Variants in DNAJB1 observed in about 807,000 individuals in gnomAD.
DNAJB1 encodes the protein dnaJ homolog subfamily B member 1.
DNAJB1 carries 14 observed loss-of-function variants against 24.0 expected under a neutral mutation model. The ratio of observed to expected loss-of-function variants is 0.58; its 90% confidence interval spans 0.39 to 0.91. The LOEUF is 0.91. Among genes scored for constraint, DNAJB1 ranks in the 40% least tolerant of loss-of-function variants. DNAJB1 has a pLI of 0.00. For missense variants in DNAJB1, 517 were observed against 458.1 expected, an observed-to-expected ratio of 1.13 and a Z score of -1.17; for synonymous variants, 262 against 174.4, an observed-to-expected ratio of 1.50 and a Z score of -3.96.
intron 1 of DNAJB1, among the ~76,000 whole-genome samples, chr19:14,547,323 C>A (rs1045149359): frequency 6.6e-6 from 1 of 151,622 alleles, no homozygotes; most frequent in Non-Finnish European, 1.5e-5. Context: ...TAGTTACAGG[C>A]GTGAGCCACC....
chr19:14,534,988 G>A (rs937665267), intron 1 of DNAJB1, among the ~76,000 whole-genome samples: 1 of 152,170 alleles, frequency 6.6e-6, no homozygotes, highest in Non-Finnish European at 1.5e-5. Context: ...GGAGGGCGAG[G>A]TGCTGCGGGT....
intron 1 of DNAJB1, among the ~76,000 whole-genome samples, chr19:14,544,474 T>A (rs944924478): frequency 1.3e-5 from 2 of 152,012 alleles, no homozygotes; most frequent in Non-Finnish European, 2.9e-5. Context: ...AGGACGAGGA[T>A]GCTTGCATGA....
chr19:14,527,551 G>A (rs1025818158), intron 2 of DNAJB1: 1 of 152,200 alleles, frequency 6.6e-6, no homozygotes, highest in Non-Finnish European at 1.5e-5. Flanking sequence ...GATAGCACCA[G>A]TGAAAAAGAT....
chr19:14,515,963 G>C lies in DNAJB1; in HGVS notation c.1000C>G (p.Leu334Val). Reference protein sequence around the residue: ...ERIPQTSRTVLEQVLPI With the variant: ...ERIPQTSRTVVEQVLPI The stretch of plus-strand genomic sequence containing the variant: ...AGCTATATTGGAAGAACCTGCTCAA[G>C]TACGGTTCTTGATGTCTGGGGAATC... Residue 334 changes from leucine to valine, a missense_variant, in exon 3 of 3, where the codon CTT becomes GTT. Physicochemically the swap from Leu to Val is conservative, Grantham distance 32. Coordinates refer to ENST00000254322, the MANE Select transcript of DNAJB1 (RefSeq NM_006145.3). The C allele has an allele frequency of 1.2e-6, 2 of 1,610,018 alleles. No homozygotes were observed. Among genetic ancestry groups the C allele is most frequent in the Non-Finnish European group, 1.7e-6 (2 of 1,179,046 alleles).
intron 1 of DNAJB1, among the ~76,000 whole-genome samples, chr19:14,558,543 T>G (rs868090875): frequency 2.0e-5 from 3 of 152,144 alleles, no homozygotes; most frequent in Admixed American, 6.5e-5. Flanking sequence ...CCTCTCAGGC[T>G]AGTGGAACTG....
upstream of DNAJB1, chr19:14,530,689 G>A (rs1452323679): frequency 1.3e-5 from 2 of 152,114 alleles, no homozygotes; most frequent in East Asian, 1.9e-4. Context: ...TTAGTTCCTA[G>A]CCACTATGCC....
chr19:14,548,465 C>T (rs367991277), intron 1 of DNAJB1, among the ~76,000 whole-genome samples: 6 of 152,224 alleles, frequency 3.9e-5, no homozygotes, highest in Non-Finnish European at 8.8e-5. Flanking sequence ...AACCACTTCT[C>T]ATCAGCCTCA....
chr19:14,538,143 G>A (rs2072970531), intron 1 of DNAJB1, among the ~76,000 whole-genome samples: 1 of 152,190 alleles, frequency 6.6e-6, no homozygotes, highest in South Asian at 2.1e-4. Context: ...AGAAACTGAG[G>A]CACAGAAAGT....
chr19:14,525,143 G>T (rs527259917), intron 2 of DNAJB1, among the ~76,000 whole-genome samples: 1 of 151,914 alleles, frequency 6.6e-6, no homozygotes, highest in South Asian at 2.1e-4. Flanking sequence ...TGATGCAGGA[G>T]AATCGCTTGA....
In DNAJB1 at chr19:14,515,964, T is replaced by G; in HGVS notation, c.999A>C (p.Val333=). The change falls in exon 3 of 3, where the codon GTA becomes GTC. Residue 333 remains valine (V), a synonymous_variant. Coordinates refer to ENST00000254322, the MANE Select transcript of DNAJB1 (RefSeq NM_006145.3). The part of the protein sequence containing the change: ...PERIPQTSRT[V]LEQVLPI ...GCTATATTGGAAGAACCTGCTCAAG[T>G]ACGGTTCTTGATGTCTGGGGAATCC... is the stretch of plus-strand genomic sequence containing the variant. The G allele has an allele frequency of 6.2e-7, 1 of 1,609,960 alleles. No individual in the cohort carries two copies. Among genetic ancestry groups the G allele is most frequent in the Non-Finnish European group, 8.5e-7 (1 of 1,179,030 alleles).
chr19:14,518,079 G>A (rs1405736630), intron 1 of DNAJB1, 60 bp downstream of exon 1: 3 of 1,371,438 alleles, frequency 2.2e-6, no homozygotes, highest in Non-Finnish European at 2.8e-6. Flanking sequence ...AGGGGCCAGC[G>A]TGCCTCAGTT....
chr19:14,516,167 G>A lies in DNAJB1; in HGVS notation c.796C>T (p.Leu266=), dbSNP rs144022754. Residue 266 remains leucine (L), a synonymous_variant, in exon 3 of 3, where the codon CTG becomes TTG. Transcript: ENST00000254322. ...GGGACGTTCACTGTGCAGCCACACA[G>A]AGCCTTGAAAAGCAAAAGGACAGCA... ...YPARISLREA[L]CGCTVNVPTL... 1.9e-6 allele frequency: 3 copies of A among 1,613,350 alleles called. No individual in the cohort carries two copies. Among genetic ancestry groups the A allele is most frequent in the Admixed American group, 3.4e-5 (2 of 59,694 alleles).
intron 2 of DNAJB1, 144 bp downstream of exon 2, chr19:14,516,322 A>G (rs2072260919): frequency 6.3e-6 from 8 of 1,268,102 alleles, no homozygotes; most frequent in Non-Finnish European, 8.7e-6. Context: ...AAGCTCCACA[A>G]CAGCGCCCTG....
intron 1 of DNAJB1, among the ~76,000 whole-genome samples, chr19:14,557,020 T>C (rs1004186271): frequency 1.2e-4 from 19 of 152,176 alleles, no homozygotes; most frequent in African/African-American, 4.3e-4. Context: ...TTCAAGAGCA[T>C]GGTCAGCGTC....
upstream of DNAJB1, chr19:14,529,641 T>C (rs1051026262): frequency 3.1e-6 from 5 of 1,613,278 alleles, no homozygotes; most frequent in Non-Finnish European, 4.2e-6. Context: ...GCCTGTGCTG[T>C]GCCGCGCAGT....
In DNAJB1 at chr19:14,516,880, G is replaced by A; in HGVS notation, c.378C>T (p.Asp126=). Residue 126 remains aspartate, a synonymous_variant, in exon 2 of 3, where the codon GAC becomes GAT. Coordinates refer to ENST00000254322, the MANE Select transcript of DNAJB1 (RefSeq NM_006145.3). The part of the protein sequence containing the change: ...FGQRNGEEGM[D]IDDPFSGFPM... Reference sequence around the variant, plus strand: ...GGAAGCCAGAGAATGGGTCATCAATGTCCATGCCTTCCTCCCCGTTCCGCT... The same window carrying A: ...GGAAGCCAGAGAATGGGTCATCAATATCCATGCCTTCCTCCCCGTTCCGCT... The A allele has an allele frequency of 1.2e-6, 2 of 1,614,130 alleles. No homozygotes were observed. The highest frequency in any genetic ancestry group is 1.7e-5 in the Admixed American group (1 of 59,998).
Position 14,516,520 on chromosome 19 carries a change from G to A in DNAJB1, c.738C>T (p.Ile246=), listed in dbSNP as rs377538795. 20 of 1,614,220 alleles carry A rather than the reference G, an allele frequency of 1.2e-5. 2 individuals carry two copies. In the African/African-American group the frequency reaches 2.4e-4, roughly 19 times the overall value. Residue 246 remains isoleucine, a synonymous_variant, in exon 2 of 3, where the codon ATC becomes ATT. Transcript: ENST00000254322. The part of the protein sequence containing the change: ...VFVLKDKPHN[I]FKRDGSDVIY... Reference sequence around the variant, plus strand: ...TGACATCAGAGCCATCTCTCTTAAAGATATTGTGGGGCTTGTCCTTTAAAA... The same window carrying A: ...TGACATCAGAGCCATCTCTCTTAAAAATATTGTGGGGCTTGTCCTTTAAAA...
chr19:14,526,955 G>T (rs2072435617), intron 2 of DNAJB1, among the ~76,000 whole-genome samples: 1 of 151,918 alleles, frequency 6.6e-6, no homozygotes, highest in Non-Finnish European at 1.5e-5. Context: ...TGTAATCCCA[G>T]CGCTTTGGGA....
intron 1 of DNAJB1, among the ~76,000 whole-genome samples, chr19:14,558,148 A>G (rs1489102423): frequency 6.6e-6 from 1 of 152,198 alleles, no homozygotes; most frequent in Non-Finnish European, 1.5e-5. Context: ...TGCCATGAGT[A>G]GATGGAAGTT....
Sources: gnomAD v4.1 joint callset for allele counts (sites outside exome capture counted in the v4.1 genomes callset) on GRCh38, gnomAD v4.1.1 for gene constraint, MANE v1.5 for transcripts, NCBI Gene and HGNC (gene_info 2026-07-23, HGNC 2026-07-21) for gene names.